Variants in TBC1D15 observed in about 807,000 individuals in gnomAD.
TBC1D15 encodes the protein GAP for RAB7.
In TBC1D15, 39 loss-of-function variants were observed where a neutral mutation model predicts 95.4. That is an observed-to-expected ratio of 0.41 (90% CI 0.32 to 0.53). TBC1D15 has a LOEUF of 0.53. Ranked by LOEUF, TBC1D15 falls within the 20% of genes least tolerant of loss-of-function variation. TBC1D15 has a pLI of 0.29. For synonymous variants in TBC1D15, 258 were observed against 261.3 expected (o/e 0.99, Z 0.12); for missense variants, 733 against 794.3 (o/e 0.92, Z 0.93).
chr12:71,873,575 T>A (rs755987781), intron 3 of TBC1D15, among the ~76,000 whole-genome samples: 14 of 152,202 alleles, frequency 9.2e-5, no homozygotes, highest in Non-Finnish European at 2.1e-4. Context: ...TTTATTTCTC[T>A]TGAGTATATA....
At chr12:71,913,788 C>T (rs1903015899) in intron 11 of TBC1D15, 38 bp from the exon 12 acceptor site, 2 of 1,432,208 alleles carry the variant, frequency 1.4e-6, no homozygotes, top group Non-Finnish European at 1.9e-6. Flanking sequence ...TTACATAAAA[C>T]TTGGGTTTTC....
At chr12:71,897,787 AAC>A (rs1898512939) in intron 9 of TBC1D15, 58 bp from the exon 10 acceptor site, 2 of 1,267,514 alleles carry the variant, frequency 1.6e-6, no homozygotes, top group Admixed American at 3.5e-5. Context: ...AACCCAATTA[AAC>A]AGTGTTAAAA....
At chr12:71,852,013 G>C (rs904830306) in intron 1 of TBC1D15, among the ~76,000 whole-genome samples, 3 of 152,236 alleles carry the variant, frequency 2.0e-5, no homozygotes, top group Non-Finnish European at 4.4e-5. Flanking sequence ...TTCTTCATGA[G>C]GACTCTGCCC....
chr12:71,898,239 TTTA>T (rs1241288159), intron 10 of TBC1D15, among the ~76,000 whole-genome samples: 1 of 152,070 alleles, frequency 6.6e-6, no homozygotes, highest in Non-Finnish European at 1.5e-5. Flanking sequence ...TTTAAAAAAC[TTTA>T]TTTTCTTTTT....
chr12:71,892,241 G>A (rs1897310571), intron 5 of TBC1D15, among the ~76,000 whole-genome samples: 1 of 150,102 alleles, frequency 6.7e-6, no homozygotes, highest in South Asian at 2.2e-4. Context: ...CAGATCGAGT[G>A]CTGTTCCTGA....
intron 10 of TBC1D15, among the ~76,000 whole-genome samples, chr12:71,903,917 T>C (rs898464663): frequency 2.0e-5 from 3 of 152,218 alleles, no homozygotes; most frequent in Admixed American, 6.5e-5. Flanking sequence ...GCTCATTACC[T>C]GAGCGGCAAA....
chr12:71,902,692 C>T (rs1899688998), intron 10 of TBC1D15, among the ~76,000 whole-genome samples: 1 of 152,080 alleles, frequency 6.6e-6, no homozygotes, highest in African/African-American at 2.4e-5. Flanking sequence ...AAGAAGACTC[C>T]AAAAGCAATT....
At chr12:71,880,291 CTTT>C (rs534954705) in intron 3 of TBC1D15, among the ~76,000 whole-genome samples, 175 bp from the exon 4 acceptor site, 2 of 136,588 alleles carry the variant, frequency 1.5e-5, no homozygotes, top group African/African-American at 5.3e-5. Context: ...GCTTCTCTTC[CTTT>C]TTTTTTTTTT....
chr12:71,916,130 T>C (rs1903648865), intron 12 of TBC1D15, among the ~76,000 whole-genome samples: 1 of 152,186 alleles, frequency 6.6e-6, no homozygotes, highest in Admixed American at 6.6e-5. Context: ...TTTTGCCATA[T>C]AGTTTTAATT....
chr12:71,853,688 A>G (rs1033647923), intron 1 of TBC1D15, among the ~76,000 whole-genome samples: 5 of 152,294 alleles, frequency 3.3e-5, no homozygotes, highest in South Asian at 2.1e-4. Context: ...TCTGTAAAAT[A>G]CTATTGAGTT....
intron 7 of TBC1D15, 82 bp from the exon 8 acceptor site, chr12:71,895,865 T>C: frequency 7.6e-7 from 1 of 1,323,682 alleles, no homozygotes; most frequent in Non-Finnish European, 1.0e-6. Context: ...TGAAAAACAG[T>C]ATTTTAAATT....
At chr12:71,868,824 C>G (rs1892048680) in intron 1 of TBC1D15, 1 of 152,140 alleles carries the variant, frequency 6.6e-6, no homozygotes, top group Non-Finnish European at 1.5e-5. Flanking sequence ...CTTTTCTTGC[C>G]AAATGAGTGT....
At chr12:71,849,356 G>A (rs1887177119) in intron 1 of TBC1D15, 1 of 1,376,008 alleles carries the variant, frequency 7.3e-7, no homozygotes, top group Admixed American at 1.7e-5. Flanking sequence ...GCTTCTAGCT[G>A]TTGTCCAAGG....
chr12:71,892,007 GTTTC>G (rs978786021), intron 5 of TBC1D15, among the ~76,000 whole-genome samples: 9 of 152,126 alleles, frequency 5.9e-5, no homozygotes, highest in African/African-American at 2.2e-4. Context: ...ATAAAATTTT[GTTTC>G]TTTATTAGCT....
intron 1 of TBC1D15, among the ~76,000 whole-genome samples, chr12:71,865,441 G>A (rs549015336): frequency 6.6e-5 from 10 of 152,272 alleles, no homozygotes; most frequent in South Asian, 4.1e-4. Context: ...CAGTGGTAAC[G>A]TGGATCTCAG....
At chr12:71,879,954 C>A (rs531783546) in intron 3 of TBC1D15, among the ~76,000 whole-genome samples, 1 of 152,168 alleles carries the variant, frequency 6.6e-6, no homozygotes, top group East Asian at 1.9e-4. Flanking sequence ...GTTTTATTAT[C>A]TTTAAAGATG....
At chr12:71,892,256 G>A (rs1300399891) in intron 5 of TBC1D15, among the ~76,000 whole-genome samples, 1 of 152,022 alleles carries the variant, frequency 6.6e-6, no homozygotes, top group Non-Finnish European at 1.5e-5. Context: ...TCCTGACTGT[G>A]TAAGAATATA....
intron 1 of TBC1D15, among the ~76,000 whole-genome samples, chr12:71,871,161 A>G (rs1259467745): frequency 6.6e-6 from 1 of 152,196 alleles, no homozygotes; most frequent in Non-Finnish European, 1.5e-5. Context: ...TTAAATGTTT[A>G]AACTTACTTA....
intron 12 of TBC1D15, among the ~76,000 whole-genome samples, chr12:71,917,484 A>G (rs940639594): frequency 6.6e-6 from 1 of 152,168 alleles, no homozygotes; most frequent in African/African-American, 2.4e-5. Flanking sequence ...TGAATAGAGG[A>G]AAAAATAATC....
Sources: gnomAD v4.1 joint callset for allele counts (sites outside exome capture counted in the v4.1 genomes callset) on GRCh38, gnomAD v4.1.1 for gene constraint, MANE v1.5 for transcripts, NCBI Gene and HGNC (gene_info 2026-07-23, HGNC 2026-07-21) for gene names.